The following DPH6 variants were observed in gnomAD, a reference collection of about 807,000 sequenced individuals.
DPH6 encodes diphthamine biosynthesis 6.
A neutral mutation model predicts 38.2 loss-of-function variants in DPH6; 33 were observed. The observed-to-expected ratio is 0.86, with a 90% CI of 0.65 to 1.15. DPH6 has a LOEUF of 1.15. Ranked by LOEUF, DPH6 falls within the 50% of genes most tolerant of loss-of-function variation. DPH6 has a pLI of 0.00. For synonymous variants in DPH6, 108 were observed against 103.0 expected, an observed-to-expected ratio of 1.05 and a Z score of -0.30; for missense variants, 325 against 320.0, an observed-to-expected ratio of 1.02 and a Z score of -0.12.
chr15:35,359,713 T>C (rs1253796478), intron 3 of DPH6, among the ~76,000 whole-genome samples: 2 of 152,050 alleles, frequency 1.3e-5, no homozygotes, highest in African/African-American at 4.8e-5. Context: ...GCACTCACAG[T>C]TTTGGGCGGG....
chr15:35,242,431 G>A (rs891055930), intron 3 of DPH6, among the ~76,000 whole-genome samples: 4 of 142,988 alleles, frequency 2.8e-5, no homozygotes, highest in South Asian at 4.8e-4. Flanking sequence ...AGCGGCTGCC[G>A]CTGCTTTAAT....
chr15:35,521,788 C>A, intron 3 of DPH6: 1 of 1,238,578 alleles, frequency 8.1e-7, no homozygotes, highest in South Asian at 4.0e-5. Context: ...GATTCATATA[C>A]AAGCATTTTA....
the DPH6 span, among the ~76,000 whole-genome samples, chr15:35,205,277 T>C: frequency 0.018 from 2,667 of 152,086 alleles, 39 homozygotes; most frequent in Non-Finnish European, 0.027. Context: ...ATTTTAATCA[T>C]TGAAGTATCC....
At chr15:35,246,160 C>T (rs1315654197) in intron 3 of DPH6, among the ~76,000 whole-genome samples, 2 of 152,146 alleles carry the variant, frequency 1.3e-5, no homozygotes, top group African/African-American at 4.8e-5. Flanking sequence ...TTTGCTGACT[C>T]TCTTTTCGGA....
chr15:35,545,170 C>G (rs2055326127), intron 1 of DPH6, among the ~76,000 whole-genome samples: 1 of 152,160 alleles, frequency 6.6e-6, no homozygotes, highest in Non-Finnish European at 1.5e-5. Flanking sequence ...ATTACAAAAG[C>G]AAGCACATCG....
intron 3 of DPH6, among the ~76,000 whole-genome samples, chr15:35,355,955 CCATATTT>C (rs2052555990): frequency 6.6e-6 from 1 of 152,110 alleles, no homozygotes; most frequent in African/African-American, 2.4e-5. Context: ...TCACATAGTC[CCATATTT>C]CTTGGAGGCT....
chr15:35,183,444 T>C, the DPH6 span, among the ~76,000 whole-genome samples: 2 of 152,198 alleles, frequency 1.3e-5, no homozygotes, highest in African/African-American at 4.8e-5. Context: ...AATAATAGTG[T>C]CTAAAAGGAC....
chr15:35,416,952 A>G (rs1306727247), intron 5 of DPH6, among the ~76,000 whole-genome samples: 4 of 152,070 alleles, frequency 2.6e-5, no homozygotes, highest in Non-Finnish European at 5.9e-5. Context: ...TAGGGATGTT[A>G]GGGATGTTGT....
intron 3 of DPH6, among the ~76,000 whole-genome samples, chr15:35,224,745 G>A (rs557358836): frequency 3.9e-5 from 6 of 152,250 alleles, no homozygotes; most frequent in Admixed American, 6.5e-5. Context: ...TATTGTCAGT[G>A]TTTTGAATTT....
chr15:35,478,876 C>T (rs531392823), intron 3 of DPH6, among the ~76,000 whole-genome samples: 49 of 152,068 alleles, frequency 3.2e-4, no homozygotes, highest in Non-Finnish European at 6.3e-4. Flanking sequence ...TTATGATTTT[C>T]AAAGCATTCT....
intron 3 of DPH6, among the ~76,000 whole-genome samples, chr15:35,537,235 G>C (rs918126917): frequency 2.0e-5 from 3 of 152,000 alleles, no homozygotes; most frequent in South Asian, 2.1e-4. Flanking sequence ...AAGTTCATGA[G>C]GTAACTTCTG....
chr15:35,318,395 A>T lies in DPH6; in HGVS notation n.200+55126T>A, dbSNP rs186695278. Among the ~76,000 whole-genome samples the T allele has an allele frequency of 5.9e-5, 9 of 152,262 alleles. No homozygotes were observed. The East Asian group carries it at 1.7e-3, about 29-fold the overall frequency. On this transcript the variant is annotated intron_variant and non_coding_transcript_variant, in intron 3 of 3. Transcript: ENST00000560386. ...ACAAATCCATACAACCACCTCTCTC[A>T]GTTACTGATAAAGAAAAAATTAGCA...
At chr15:35,451,542 T>C (rs1378662096) in intron 4 of DPH6, among the ~76,000 whole-genome samples, 2 of 152,152 alleles carry the variant, frequency 1.3e-5, no homozygotes, top group South Asian at 2.1e-4. Flanking sequence ...TTTCTTCGCA[T>C]TCCACATCCA....
At chr15:35,283,706 C>T (rs1311388625) in intron 3 of DPH6, among the ~76,000 whole-genome samples, 1 of 151,718 alleles carries the variant, frequency 6.6e-6, no homozygotes, top group Non-Finnish European at 1.5e-5. Context: ...AAACAATGGC[C>T]ACCATTTCTA....
At chr15:35,460,095 T>C (rs980346972) in intron 3 of DPH6, among the ~76,000 whole-genome samples, 5 of 152,116 alleles carry the variant, frequency 3.3e-5, no homozygotes, top group African/African-American at 1.2e-4. Flanking sequence ...ACAAAACCAT[T>C]GTATTTTACC....
chr15:35,399,092 G>C lies in DPH6; in HGVS notation c.567+11743C>G, dbSNP rs1175603167. On this transcript the variant is annotated intron_variant, in intron 6 of 8. Transcript: ENST00000256538. ...ATTAGCATAATAACACAGATTACAA[G>C]AAATCTGAGGAACATTTCTAAAATG... 5.3e-5 allele frequency among the ~76,000 whole-genome samples: 8 copies of C among 152,054 alleles called. No homozygotes were observed. The East Asian group carries it at 1.5e-3, about 29-fold the overall frequency.
chr15:35,206,603 T>C, the DPH6 span, among the ~76,000 whole-genome samples: 2 of 152,196 alleles, frequency 1.3e-5, no homozygotes, highest in East Asian at 3.8e-4. Context: ...ACCAAAGTGA[T>C]AGCTTAGTCA....
At chr15:35,488,194 A>C (rs1260434431) in intron 3 of DPH6, among the ~76,000 whole-genome samples, 1 of 152,044 alleles carries the variant, frequency 6.6e-6, no homozygotes, top group African/African-American at 2.4e-5. Context: ...GAAAGTTCCA[A>C]ATTTTCCCAC....
intron 6 of DPH6, among the ~76,000 whole-genome samples, chr15:35,395,919 T>C (rs1445035490): frequency 6.6e-6 from 1 of 152,162 alleles, no homozygotes; most frequent in Non-Finnish European, 1.5e-5. Context: ...TACACATACT[T>C]ATCATTCAAT....
Sources: gnomAD v4.1 joint callset for allele counts (sites outside exome capture counted in the v4.1 genomes callset) on GRCh38, gnomAD v4.1.1 for gene constraint, MANE v1.5 for transcripts, NCBI Gene and HGNC (gene_info 2026-07-23, HGNC 2026-07-21) for gene names.